NUF2: variants seen among roughly 807,000 people sequenced by gnomAD.
The protein encoded by NUF2 is NUF2 component of NDC80 kinetochore complex, also known as kinetochore protein Nuf2.
Under a neutral mutation model 61.8 loss-of-function variants are expected in NUF2, and 34 were observed. That is an observed-to-expected ratio of 0.55 (90% CI 0.42 to 0.73). The LOEUF is 0.73. Among genes scored for constraint, NUF2 ranks in the 30% least tolerant of loss-of-function variants. The probability of loss-of-function intolerance (pLI) is 0.00; values close to 1 mark genes in which losing one functional copy is unlikely to be tolerated. For missense variants in NUF2, 445 were observed against 539.1 expected (o/e 0.83, Z 1.73); for synonymous variants, 172 against 181.6 (o/e 0.95, Z 0.42).
At chr1:163,331,901 CT>C (rs1650610000) in intron 5 of NUF2, among the ~76,000 whole-genome samples, 1 of 151,778 alleles carries the variant, frequency 6.6e-6, no homozygotes, top group African/African-American at 2.4e-5. Flanking sequence ...TGGTTATCAG[CT>C]TATCACTTTT....
intron 13 of NUF2, among the ~76,000 whole-genome samples, chr1:163,353,580 A>G (rs1651396545): frequency 6.6e-6 from 1 of 152,214 alleles, no homozygotes; most frequent in Admixed American, 6.5e-5. Flanking sequence ...ATTCGACAGT[A>G]CAGAACTAGC....
chr1:163,326,028 T>C lies in NUF2; in HGVS notation c.-20-4T>C. ...GTATTTCTCATTGTTTTTTCTTCCT[T>C]CAGATTAACAGGAAACTTCCAAGAT... On this transcript the variant is annotated splice_region_variant and splice_polypyrimidine_tract_variant and intron_variant, in intron 1 of 13. Coordinates refer to ENST00000271452, the MANE Select transcript of NUF2 (RefSeq NM_145697.3). 2 of 1,607,412 alleles carry C rather than the reference T, an allele frequency of 1.2e-6. No homozygotes were observed. Among genetic ancestry groups the C allele is most frequent in the Non-Finnish European group, 8.5e-7 (1 of 1,175,588 alleles).
intron 5 of NUF2, among the ~76,000 whole-genome samples, chr1:163,332,561 G>T (rs1444495194): frequency 6.6e-6 from 1 of 152,082 alleles, no homozygotes; most frequent in African/African-American, 2.4e-5. Context: ...CCTTCAGATG[G>T]CTCTAGGAGA....
chr1:163,331,052 A>G (rs1377800970), intron 5 of NUF2, among the ~76,000 whole-genome samples: 1 of 138,190 alleles, frequency 7.2e-6, no homozygotes, highest in Admixed American at 7.8e-5. Flanking sequence ...ACGTTTCTGC[A>G]CTGGCTGGGA....
chr1:163,336,813 T>A lies in NUF2; in HGVS notation c.400T>A (p.Cys134Ser). Residue 134 changes from cysteine (C) to serine (S), a missense_variant, in exon 6 of 14, where the codon TGC becomes AGC. Cys to Ser is a moderately radical substitution (Grantham distance 112). Transcript: ENST00000271452. Reference protein sequence around the residue: ...IINFIHFREACRETYMEFLWQ... With the variant: ...IINFIHFREASRETYMEFLWQ... ...CAACTTTATTCACTTCAGAGAAGCA[T>A]GCCGTGAAACGTATATGGAATTTCT... is the stretch of plus-strand genomic sequence containing the variant. The A allele has an allele frequency of 6.2e-7, 1 of 1,612,868 alleles. No homozygotes were observed. Among genetic ancestry groups the A allele is most frequent in the African/African-American group, 1.3e-5 (1 of 75,026 alleles).
In NUF2 at chr1:163,328,694, G is replaced by C. The variant is rs980342205; in HGVS notation, c.276-152G>C. Reference sequence around the variant, plus strand: ...AAAAAATAGATTTCAGTGCTATAGGGTTATACATTATAGTAGAATTCTGGC... The same window carrying C: ...AAAAAATAGATTTCAGTGCTATAGGCTTATACATTATAGTAGAATTCTGGC... On this transcript the variant is annotated intron_variant, in intron 4 of 13. Transcript: ENST00000271452. 20 of 592,086 alleles carry C rather than the reference G, an allele frequency of 3.4e-5. No individual in the cohort carries two copies. In the Admixed American group the frequency reaches 6.4e-4, roughly 19 times the overall value. 36.7% of individuals were successfully genotyped at this position (592,086 alleles called of 1,614,324 possible).
intron 6 of NUF2, 92 bp downstream of exon 6, chr1:163,336,940 C>A (rs554003740): frequency 6.5e-5 from 52 of 797,640 alleles, no homozygotes; most frequent in South Asian, 2.9e-4. Context: ...TCATAGACAG[C>A]AAATTGCTGT....
Position 163,328,234 on chromosome 1 carries a change from G to A in NUF2, c.205G>A (p.Val69Met). The A allele has an allele frequency of 6.2e-7, 1 of 1,603,912 alleles. No individual in the cohort carries two copies. Among genetic ancestry groups the A allele is most frequent in the Non-Finnish European group, 8.5e-7 (1 of 1,174,506 alleles). The change falls in exon 4 of 14, where the codon GTG (valine) becomes ATG (methionine). Residue 69 changes from valine to methionine, a missense_variant. Transcript: ENST00000271452. ...TGTGGTTTATTGCATTTAGATGCCAGTGAACTCTGAAGTCATGTATCCACA... is the reference window on the plus strand; with the variant it reads ...TGTGGTTTATTGCATTTAGATGCCAATGAACTCTGAAGTCATGTATCCACA... Reference protein sequence around the residue: ...IRLEHFYMMPVNSEVMYPHLM... With the variant: ...IRLEHFYMMPMNSEVMYPHLM...
intron 13 of NUF2, among the ~76,000 whole-genome samples, chr1:163,354,049 A>G (rs1364831554): frequency 1.3e-5 from 2 of 152,194 alleles, no homozygotes; most frequent in African/African-American, 4.8e-5. Flanking sequence ...GAATAAACAT[A>G]TACCCCTATA....
chr1:163,341,160 C>A (rs761015289), intron 9 of NUF2, among the ~76,000 whole-genome samples: 1 of 151,850 alleles, frequency 6.6e-6, no homozygotes, highest in African/African-American at 2.4e-5. Context: ...CTTTTAAAAT[C>A]TTTGTTACTG....
chr1:163,334,917 G>A lies in NUF2; in HGVS notation c.338-1834G>A, dbSNP rs988633447. On this transcript the variant is annotated intron_variant, in intron 5 of 13. Coordinates refer to ENST00000271452, the MANE Select transcript of NUF2 (RefSeq NM_145697.3). Reference sequence around the variant, plus strand: ...AATGCACAGATATGGAGGGCTGACTGTACTATGCCATTTTTTGTGTGTTTG... The same window carrying A: ...AATGCACAGATATGGAGGGCTGACTATACTATGCCATTTTTTGTGTGTTTG... Among the ~76,000 whole-genome samples the A allele has an allele frequency of 5.9e-5, 9 of 152,182 alleles. No homozygotes were observed. In the East Asian group the frequency reaches 1.5e-3, roughly 26 times the overall value.
At chr1:163,325,135 G>A (rs1254131924) in intron 1 of NUF2, among the ~76,000 whole-genome samples, 1 of 152,038 alleles carries the variant, frequency 6.6e-6, no homozygotes, top group African/African-American at 2.4e-5. Context: ...GGGCTCAAGC[G>A]ATCCACATGC....
At chr1:163,329,898 A>G (rs1650542053) in intron 5 of NUF2, among the ~76,000 whole-genome samples, 1 of 152,166 alleles carries the variant, frequency 6.6e-6, no homozygotes, top group African/African-American at 2.4e-5. Context: ...AAGCTATGAG[A>G]AGACATAGAG....
intron 3 of NUF2, 39 bp downstream of exon 3, chr1:163,327,601 G>T (rs779629928): frequency 1.8e-5 from 22 of 1,249,936 alleles, no homozygotes; most frequent in East Asian, 1.2e-4. Flanking sequence ...GGTTTTTTTT[G>T]TTTGTTTGTT....
At chr1:163,324,471 T>C (rs1277514330) in intron 1 of NUF2, among the ~76,000 whole-genome samples, 2 of 151,520 alleles carry the variant, frequency 1.3e-5, no homozygotes, top group Non-Finnish European at 2.9e-5. Context: ...TTATTAGAGG[T>C]TAGGCAAGTT....
intron 13 of NUF2, among the ~76,000 whole-genome samples, chr1:163,352,227 A>G (rs542056709): frequency 3.9e-4 from 59 of 152,350 alleles, no homozygotes; most frequent in African/African-American, 1.4e-3. Flanking sequence ...TCATACATGT[A>G]CATAGCCCTT....
chr1:163,334,060 A>G (rs1378955739), intron 5 of NUF2, among the ~76,000 whole-genome samples: 1 of 152,130 alleles, frequency 6.6e-6, no homozygotes, highest in Non-Finnish European at 1.5e-5. Flanking sequence ...ATAAGTGACA[A>G]TGTGCAGTAT....
intron 10 of NUF2, 118 bp from the exon 11 acceptor site, chr1:163,345,560 G>C (rs10753611): frequency 0.44 from 362,395 of 815,426 alleles, 82,345 homozygotes; most frequent in South Asian, 0.57. Context: ...TAATTGTTCC[G>C]TGCTCTTAAG....
chr1:163,343,754 G>T lies in NUF2; in HGVS notation c.691G>T (p.Val231Phe). 1 of 1,411,558 alleles carries T rather than the reference G, an allele frequency of 7.1e-7. No homozygotes were observed. Among genetic ancestry groups the T allele is most frequent in the South Asian group, 1.6e-5 (1 of 63,978 alleles). 87.4% of individuals were successfully genotyped at this position (1,411,558 alleles called of 1,614,324 possible). The change falls in exon 10 of 14, where the codon GTT (valine) becomes TTT (phenylalanine). Residue 231 changes from valine (V) to phenylalanine (F), a missense_variant. Transcript: ENST00000271452. ...KRLNELKLSV[V>F]SLKEIQESLK... is the part of the protein sequence containing the mutation. ...ACAGAATGAACTAAAATTGTCGGTGGTTTCTTTGAAAGAAATACAAGAGAG... is the reference window on the plus strand; with the variant it reads ...ACAGAATGAACTAAAATTGTCGGTGTTTTCTTTGAAAGAAATACAAGAGAG...
Sources: allele counts gnomAD v4.1 joint callset (sites outside exome capture counted in the v4.1 genomes callset), GRCh38; gene constraint gnomAD v4.1.1; transcripts MANE v1.5; gene names NCBI Gene and HGNC (gene_info 2026-07-23, HGNC 2026-07-21).